Variants in DOCK8 observed in about 807,000 individuals in gnomAD.
DOCK8 encodes dedicator of cytokinesis 8.
A neutral mutation model predicts 245.6 loss-of-function variants in DOCK8; 141 were observed. That is an observed-to-expected ratio of 0.57 (90% CI 0.50 to 0.66). The LOEUF is 0.66. Among genes scored for constraint, DOCK8 ranks in the 30% least tolerant of loss-of-function variants. The pLI, the probability that DOCK8 is intolerant of heterozygous loss-of-function variation, is 0.00. For synonymous variants in DOCK8, 1,168 were observed against 970.2 expected (o/e 1.20, Z -3.79); for missense variants, 2,965 against 2,603.4 (o/e 1.14, Z -3.02).
At chr9:318,824 C>T (rs1290903743) in intron 7 of DOCK8, among the ~76,000 whole-genome samples, 4 of 152,176 alleles carry the variant, frequency 2.6e-5, no homozygotes, top group Non-Finnish European at 2.9e-5. Flanking sequence ...ACACCTGCCC[C>T]GACAGGATGC....
At chr9:211,712 G>A (rs1318247884), upstream of DOCK8, among the ~76,000 whole-genome samples, 2 of 152,086 alleles carry the variant, frequency 1.3e-5, no homozygotes, top group Non-Finnish European at 2.9e-5. Flanking sequence ...TTCAGAGAGA[G>A]GCAAGCAGAT....
intron 1 of DOCK8, among the ~76,000 whole-genome samples, chr9:226,218 G>A (rs182932572): frequency 1.3e-4 from 20 of 152,268 alleles, no homozygotes; most frequent in Admixed American, 2.6e-4. Context: ...GCAAGAGAGC[G>A]TGTGCAGGGG....
intron 1 of DOCK8, among the ~76,000 whole-genome samples, chr9:216,620 C>T (rs2046761224): frequency 6.7e-6 from 1 of 149,254 alleles, no homozygotes; most frequent in Admixed American, 6.7e-5. Context: ...CATTAAGGTT[C>T]ATAGCTGTTG....
At position 396,806 on chromosome 9, in the gene DOCK8, G is replaced by T. The variant is rs751201571; in HGVS notation, c.2992G>T (p.Val998Leu). Residue 998 changes from valine (V) to leucine (L), a missense_variant, in exon 25 of 48, where the codon GTA becomes TTA. Coordinates refer to ENST00000432829, the MANE Select transcript of DOCK8 (RefSeq NM_203447.4). ...ELLVKSMAQH[V>L]HNMDKRDSFR... The stretch of plus-strand genomic sequence containing the variant: ...GCAGGTGAAAAGCATGGCCCAGCAC[G>T]TACATAACATGGACAAACGGGACAG... The T allele has an allele frequency of 1.2e-5, 19 of 1,613,938 alleles. No individual in the cohort carries two copies. Among genetic ancestry groups the T allele is most frequent in the African/African-American group, 1.3e-5 (1 of 74,884 alleles).
intron 1 of DOCK8, among the ~76,000 whole-genome samples, chr9:259,891 G>A (rs2047875520): frequency 1.3e-5 from 2 of 152,232 alleles, no homozygotes; most frequent in Admixed American, 1.3e-4. Context: ...CATGAAAGAT[G>A]TGTGAAAGCC....
intron 2 of DOCK8, among the ~76,000 whole-genome samples, chr9:279,212 G>A (rs554476914): frequency 2.0e-5 from 3 of 152,170 alleles, no homozygotes; most frequent in Non-Finnish European, 4.4e-5. Flanking sequence ...GGTATGGAAG[G>A]TATGGGAAGA....
rs1259326827 is a variant in DOCK8 at position 339,068 on chromosome 9, A to G, written c.1485A>G (p.Ser495=). ...FKFLADYKRS[S]SLQRRVKSIP... is the part of the protein sequence containing the mutation. ...TTTTAGCTGACTACAAAAGATCATC[A>G]TCCTTACAGAGACGAGTCAAGTCAA... Residue 495 remains serine, a synonymous_variant, in exon 13 of 48, where the codon TCA becomes TCG. Transcript: ENST00000432829. 6.2e-7 allele frequency: 1 copy of G among 1,614,156 alleles called. No homozygotes were observed. The highest frequency in any genetic ancestry group is 1.7e-4 in the Middle Eastern group (1 of 6,060).
chr9:274,851 C>T (rs551134312), intron 2 of DOCK8, among the ~76,000 whole-genome samples: 21 of 152,272 alleles, frequency 1.4e-4, no homozygotes, highest in Non-Finnish European at 2.2e-4. Flanking sequence ...AGACCAAGTG[C>T]GTTCTGACCT....
At chr9:461,996 T>G (rs1238660407) in intron 46 of DOCK8, among the ~76,000 whole-genome samples, 1 of 152,064 alleles carries the variant, frequency 6.6e-6, no homozygotes, top group African/African-American at 2.4e-5. Flanking sequence ...ACATGATTAC[T>G]TAGGATTTTA....
At chr9:367,577 C>A (rs964547234) in intron 14 of DOCK8, among the ~76,000 whole-genome samples, 2 of 152,098 alleles carry the variant, frequency 1.3e-5, no homozygotes, top group Non-Finnish European at 2.9e-5. Context: ...TAAGCCAATA[C>A]GAGTGCCATG....
chr9:399,206 T>C lies in DOCK8; in HGVS notation c.3181T>C (p.Ser1061Pro), dbSNP rs1392520233. 1.2e-6 allele frequency: 2 copies of C among 1,614,008 alleles called. No individual in the cohort carries two copies. Among genetic ancestry groups the C allele is most frequent in the East Asian group, 2.2e-5 (1 of 44,888 alleles). ...SLAFFLYDLL[S>P]LMDRGFVFNL... is the part of the protein sequence containing the mutation. Reference sequence around the variant, plus strand: ...GGCTTTCTTCTTGTATGACCTTCTCTCCCTCATGGATCGGGGCTTTGTGTT... The same window carrying C: ...GGCTTTCTTCTTGTATGACCTTCTCCCCCTCATGGATCGGGGCTTTGTGTT... The change falls in exon 26 of 48, where the codon TCC becomes CCC. Residue 1061 changes from serine to proline, a missense_variant. Coordinates refer to ENST00000432829, the MANE Select transcript of DOCK8 (RefSeq NM_203447.4).
intron 25 of DOCK8, among the ~76,000 whole-genome samples, 156 bp downstream of exon 25, chr9:397,090 G>C (rs1055319904): frequency 6.6e-6 from 1 of 152,160 alleles, no homozygotes; most frequent in Non-Finnish European, 1.5e-5. Flanking sequence ...GGACCCTGAT[G>C]TGGGGCTGGA....
At chr9:452,345 A>G (rs1369685793) in intron 46 of DOCK8, 1 of 367,838 alleles carries the variant, frequency 2.7e-6, no homozygotes, top group Non-Finnish European at 5.0e-6. Context: ...ACTGCAGCAG[A>G]GCAACACTAC....
intron 7 of DOCK8, among the ~76,000 whole-genome samples, chr9:324,828 A>AT (rs1308982136): frequency 1.3e-5 from 2 of 152,094 alleles, no homozygotes; most frequent in Non-Finnish European, 2.9e-5. Flanking sequence ...TATCCTTTAA[A>AT]TTTTTTTATT....
At chr9:254,009 C>G (rs976721369) in intron 1 of DOCK8, among the ~76,000 whole-genome samples, 1 of 152,128 alleles carries the variant, frequency 6.6e-6, no homozygotes, top group Non-Finnish European at 1.5e-5. Flanking sequence ...CTGTTGTTCC[C>G]TTGTTGAAGG....
At chr9:301,332 G>A (rs917295383) in intron 4 of DOCK8, among the ~76,000 whole-genome samples, 3 of 152,158 alleles carry the variant, frequency 2.0e-5, no homozygotes, top group African/African-American at 7.2e-5. Context: ...GGCATTGAAA[G>A]AACATACCTC....
At chr9:236,135 A>G (rs113349467) in intron 1 of DOCK8, among the ~76,000 whole-genome samples, 55 of 151,816 alleles carry the variant, frequency 3.6e-4, no homozygotes, top group African/African-American at 1.3e-3. Context: ...ACCACTGGAG[A>G]CTCTGGTTCT....
At chr9:276,019 T>A (rs1343762327) in intron 2 of DOCK8, among the ~76,000 whole-genome samples, 1 of 152,070 alleles carries the variant, frequency 6.6e-6, no homozygotes, top group Admixed American at 6.6e-5. Flanking sequence ...GCATCCTGAG[T>A]AGCTGGGATT....
chr9:389,950 C>T (rs907733308), intron 23 of DOCK8, among the ~76,000 whole-genome samples: 1 of 151,892 alleles, frequency 6.6e-6, no homozygotes, highest in African/African-American at 2.4e-5. Flanking sequence ...TTGCTTGAGC[C>T]AGGGAAGTTG....
Sources: gnomAD v4.1 joint callset for allele counts (sites outside exome capture counted in the v4.1 genomes callset) on GRCh38, gnomAD v4.1.1 for gene constraint, MANE v1.5 for transcripts, NCBI Gene and HGNC (gene_info 2026-07-23, HGNC 2026-07-21) for gene names.